NIN: variants seen among roughly 807,000 people sequenced by gnomAD.
NIN encodes glycogen synthase kinase 3 beta-interacting protein.
NIN carries 137 observed loss-of-function variants against 257.6 expected under a neutral mutation model. The ratio of observed to expected loss-of-function variants is 0.53; its 90% confidence interval spans 0.46 to 0.61. The LOEUF (loss-of-function observed/expected upper bound fraction) is 0.61, where lower values mean the gene tolerates loss of function less well. Ranked by LOEUF, NIN falls within the 20% of genes least tolerant of loss-of-function variation. The probability of loss-of-function intolerance (pLI) is 0.00; values close to 1 mark genes in which losing one functional copy is unlikely to be tolerated. For missense variants in NIN, 2,439 were observed against 2,501.2 expected (o/e 0.98, Z 0.53); for synonymous variants, 918 against 919.8 (o/e 1.00, Z 0.04).
intron 3 of NIN, among the ~76,000 whole-genome samples, chr14:50,811,957 A>T (rs1595920652): frequency 1.9e-4 from 1 of 5,378 alleles, no homozygotes; most frequent in African/African-American, 6.2e-4. Flanking sequence ...CTCCGTCTCC[A>T]AAAAAAAAAA....
intron 15 of NIN, 115 bp downstream of exon 15, chr14:50,763,711 T>C: frequency 2.2e-6 from 1 of 451,284 alleles, no homozygotes; most frequent in Non-Finnish European, 3.5e-6. Flanking sequence ...TATGGCCAAA[T>C]TCTTTTTTTT....
At chr14:50,728,703 A>G (rs2040536423) in intron 29 of NIN, among the ~76,000 whole-genome samples, 1 of 152,252 alleles carries the variant, frequency 6.6e-6, no homozygotes, top group Non-Finnish European at 1.5e-5. Context: ...AATTAACTAA[A>G]TAGGCAAGCT....
In NIN at chr14:50,822,061, T is replaced by C. The variant is rs1464193460; in HGVS notation, c.-5A>G. On this transcript the variant is annotated 5_prime_UTR_variant, in exon 3 of 31. An upstream start codon of the reference 5' UTR is lost. Coordinates refer to ENST00000530997, the MANE Select transcript of NIN (RefSeq NM_020921.4). Reference sequence around the variant, plus strand: ...GTCCTGCTCCACCTCATCCATCCCATAGCCCACAGTGCTCACCTGTGTGTA... The same window carrying C: ...GTCCTGCTCCACCTCATCCATCCCACAGCCCACAGTGCTCACCTGTGTGTA... 1.2e-6 allele frequency: 2 copies of C among 1,611,292 alleles called. No individual in the cohort carries two copies. The highest frequency in any genetic ancestry group is 1.3e-5 in the African/African-American group (1 of 75,002).
intron 28 of NIN, among the ~76,000 whole-genome samples, chr14:50,731,343 A>G (rs2040685620): frequency 6.6e-6 from 1 of 151,940 alleles, no homozygotes; most frequent in Non-Finnish European, 1.5e-5. Flanking sequence ...CAGCCTGTCC[A>G]ACGTGGTGAA....
intron 3 of NIN, among the ~76,000 whole-genome samples, chr14:50,821,313 A>G (rs1291628044): frequency 6.6e-6 from 1 of 152,264 alleles, no homozygotes; most frequent in African/African-American, 2.4e-5. Context: ...ACTATTTGTC[A>G]TCAAACACAG....
chr14:50,803,979 T>A (rs1362807262), intron 4 of NIN, among the ~76,000 whole-genome samples: 1 of 150,196 alleles, frequency 6.7e-6, no homozygotes, highest in Non-Finnish European at 1.5e-5. Flanking sequence ...TACTGCAACC[T>A]CCGCCTCCTG....
intron 21 of NIN, among the ~76,000 whole-genome samples, 186 bp from the exon 22 acceptor site, chr14:50,748,291 ACT>A (rs1484843964): frequency 1.3e-5 from 2 of 152,040 alleles, no homozygotes; most frequent in African/African-American, 2.4e-5. Context: ...CATGCTAAAA[ACT>A]CTCAATAAAC....
intron 5 of NIN, among the ~76,000 whole-genome samples, chr14:50,782,460 C>T (rs935733746): frequency 6.6e-6 from 1 of 151,988 alleles, no homozygotes; most frequent in Non-Finnish European, 1.5e-5. Flanking sequence ...CATGTAGGAA[C>T]GTGGAAAAAC....
At chr14:50,797,754 G>C (rs988018387) in intron 4 of NIN, among the ~76,000 whole-genome samples, 1 of 152,102 alleles carries the variant, frequency 6.6e-6, no homozygotes, top group Non-Finnish European at 1.5e-5. Flanking sequence ...AGTGGAAACT[G>C]ACACAGAGAG....
Position 50,777,063 on chromosome 14 carries a change from T to G in NIN, c.552A>C (p.Glu184Asp), listed in dbSNP as rs1358036957. ...SGSSPPQDWI[E>D]EKLQEVCEDL... ...CTTCACAAACTTCTTGCAGTTTCTC[T>G]TCTATCCAGTCTTGGGGAGGGGAAG... Residue 184 changes from glutamate to aspartate, a missense_variant, in exon 7 of 31, where the codon GAA becomes GAC. Around this residue, in one of 3 missense-constraint regions of NIN, gnomAD observed 387 missense variants for 427.3 expected, o/e 0.91. Transcript: ENST00000530997. 2 of 1,614,238 alleles carry G rather than the reference T, an allele frequency of 1.2e-6. No individual in the cohort carries two copies. The highest frequency in any genetic ancestry group is 3.3e-5 in the Admixed American group (2 of 60,030).
chr14:50,774,369 T>C (rs76203225), intron 7 of NIN, among the ~76,000 whole-genome samples: 5,586 of 152,308 alleles, frequency 0.037, 109 homozygotes, highest in Non-Finnish European at 0.051. Context: ...TGCTTTTTTT[T>C]CCCCAATTCA....
chr14:50,763,800 T>C, intron 15 of NIN, 26 bp downstream of exon 15: 1 of 1,608,612 alleles, frequency 6.2e-7, no homozygotes, highest in Non-Finnish European at 8.5e-7. Flanking sequence ...AAAGGCTTTA[T>C]CTACAGCCTG....
At chr14:50,820,952 A>G (rs2045186985) in intron 3 of NIN, among the ~76,000 whole-genome samples, 1 of 152,212 alleles carries the variant, frequency 6.6e-6, no homozygotes, top group Middle Eastern at 3.2e-3. Context: ...GAAATGAAGA[A>G]AAGGAAGCTC....
Position 50,792,868 on chromosome 14 carries a change from T to A in NIN, c.279A>T (p.Glu93Asp). Residue 93 changes from glutamate (E) to aspartate (D), a missense_variant, in exon 5 of 31, where the codon GAA becomes GAT. By Grantham distance (45) the Glu-to-Asp change is conservative. Around this residue, in one of 3 missense-constraint regions of NIN, gnomAD observed 387 missense variants for 427.3 expected, o/e 0.91. Coordinates refer to ENST00000530997, the MANE Select transcript of NIN (RefSeq NM_020921.4). The stretch of plus-strand genomic sequence containing the variant: ...CACCTCTAACATATTTGGGCTGAGC[T>A]TCTAGTGAGCAGTCTGAGAGAGGAG... The part of the protein sequence containing the change: ...EHFQEPDCSL[E>D]AQPKYVRGGK... The A allele has an allele frequency of 6.2e-7, 1 of 1,614,208 alleles. No individual in the cohort carries two copies. The highest frequency in any genetic ancestry group is 1.1e-5 in the South Asian group (1 of 91,084).
chr14:50,773,885 G>A (rs1387685547), intron 7 of NIN, among the ~76,000 whole-genome samples: 3 of 152,210 alleles, frequency 2.0e-5, no homozygotes, highest in Non-Finnish European at 4.4e-5. Flanking sequence ...TAGCTCCACA[G>A]AGGAATGGGA....
rs552309507 is a variant in NIN at position 50,806,711 on chromosome 14, CAGAGA to C, written c.265+21_265+25del. 152 of 1,329,456 alleles carry C rather than the reference CAGAGA, an allele frequency of 1.1e-4. No individual in the cohort carries two copies. In the African/African-American group the frequency reaches 1.9e-3, roughly 17 times the overall value. 82.4% of individuals were successfully genotyped at this position (1,329,456 alleles called of 1,614,324 possible). On this transcript the variant is annotated intron_variant, in intron 4 of 30. Transcript: ENST00000530997. ...CCCGGACAACTTTTAAAGGGGAAGG[CAGAGA>C]AGAGAAGTGAGTGACCTTACCTGGT... is the stretch of plus-strand genomic sequence containing the variant.
chr14:50,759,293 A>T (rs1472460792), intron 17 of NIN, among the ~76,000 whole-genome samples: 2 of 152,210 alleles, frequency 1.3e-5, no homozygotes, highest in African/African-American at 4.8e-5. Context: ...CCTCCTCTTG[A>T]GCCTTATAAG....
chr14:50,799,623 T>C (rs2043995021), intron 4 of NIN, among the ~76,000 whole-genome samples: 1 of 152,198 alleles, frequency 6.6e-6, no homozygotes. Flanking sequence ...ACACTGATTT[T>C]CTAGGATTCC....
intron 12 of NIN, among the ~76,000 whole-genome samples, chr14:50,767,837 A>G (rs565069265): frequency 1.5e-4 from 23 of 151,588 alleles, no homozygotes; most frequent in Admixed American, 1.3e-3. Flanking sequence ...AAAAAAGTAG[A>G]GCAACTCTAA....
Sources: allele counts gnomAD v4.1 joint callset (sites outside exome capture counted in the v4.1 genomes callset), GRCh38; gene constraint gnomAD v4.1.1; regional missense constraint gnomAD v4.1.1; transcripts MANE v1.5; gene names NCBI Gene and HGNC (gene_info 2026-07-23, HGNC 2026-07-21).